The following FOXP2 variants were observed in gnomAD, a reference collection of about 807,000 sequenced individuals.
The protein encoded by FOXP2 is forkhead box protein P2.
In FOXP2, 12 loss-of-function variants were observed where a neutral mutation model predicts 115.8. That is an observed-to-expected ratio of 0.10 (90% CI 0.07 to 0.17). FOXP2 has a LOEUF of 0.17. FOXP2 is among the 10% of genes least tolerant of loss of function. The probability of loss-of-function intolerance (pLI) is 1.00; values close to 1 mark genes in which losing one functional copy is unlikely to be tolerated. For missense variants in FOXP2, 629 were observed against 843.5 expected (o/e 0.75, Z 3.15); for synonymous variants, 328 against 297.7 (o/e 1.10, Z -1.05).
intron 1 of FOXP2, among the ~76,000 whole-genome samples, chr7:114,154,524 A>G (rs567647986): frequency 6.6e-6 from 1 of 152,090 alleles, no homozygotes; most frequent in Non-Finnish European, 1.5e-5. Context: ...TATTAGTTTT[A>G]TAGTTTTGAT....
intron 3 of FOXP2, among the ~76,000 whole-genome samples, chr7:114,606,958 T>A (rs907028019): frequency 6.6e-6 from 1 of 152,212 alleles, no homozygotes; most frequent in Non-Finnish European, 1.5e-5. Flanking sequence ...TTGAATGACT[T>A]GGCCACTTTA....
chr7:114,549,346 C>A (rs947368551), intron 3 of FOXP2, among the ~76,000 whole-genome samples: 13 of 152,090 alleles, frequency 8.5e-5, no homozygotes, highest in African/African-American at 3.1e-4. Flanking sequence ...TCTCTTTTTT[C>A]CCCCACTCTT....
intron 2 of FOXP2, among the ~76,000 whole-genome samples, chr7:114,515,331 C>A (rs1798279506): frequency 6.6e-6 from 1 of 151,394 alleles, no homozygotes; most frequent in African/African-American, 2.4e-5. Flanking sequence ...TACAGTCCCA[C>A]CAACAGTGTA....
intron 1 of FOXP2, among the ~76,000 whole-genome samples, chr7:114,223,403 GTT>G (rs972088792): frequency 1.3e-5 from 2 of 148,156 alleles, no homozygotes; most frequent in Non-Finnish European, 3.0e-5. Context: ...GGATATTCAT[GTT>G]TTTTTTGTCG....
At chr7:114,430,415 A>G (rs1049364216) in intron 2 of FOXP2, among the ~76,000 whole-genome samples, 4 of 151,764 alleles carry the variant, frequency 2.6e-5, no homozygotes, top group African/African-American at 7.2e-5. Context: ...ATTTATTCTC[A>G]TTGATTGATT....
At chr7:114,121,566 T>G (rs1420314966) in intron 1 of FOXP2, among the ~76,000 whole-genome samples, 2 of 152,074 alleles carry the variant, frequency 1.3e-5, no homozygotes, top group East Asian at 1.9e-4. Flanking sequence ...AACATGGTGA[T>G]TAGATTAGCA....
At chr7:114,160,782 C>CTG (rs34540150), upstream of FOXP2, among the ~76,000 whole-genome samples, 1,987 of 146,812 alleles carry the variant, frequency 0.014, 24 homozygotes, top group East Asian at 0.037. Context: ...AGTATATTTT[C>CTG]TGTGTGTGTG....
chr7:114,669,266 G>T (rs1807357336), intron 16 of FOXP2: 1 of 151,954 alleles, frequency 6.6e-6, no homozygotes, highest in East Asian at 1.9e-4. Flanking sequence ...GGGGATTTCA[G>T]CAAAAAGTAG....
chr7:114,685,756 C>CT (rs1377271181), intron 16 of FOXP2, among the ~76,000 whole-genome samples: 1 of 152,102 alleles, frequency 6.6e-6, no homozygotes, highest in African/African-American at 2.4e-5. Flanking sequence ...TTCTGATGGG[C>CT]TTTAAAGTAC....
At chr7:114,648,897 CTGTT>C (rs1427492089) in intron 8 of FOXP2, among the ~76,000 whole-genome samples, 1 of 152,078 alleles carries the variant, frequency 6.6e-6, no homozygotes, top group Non-Finnish European at 1.5e-5. Flanking sequence ...CTTCACCTCT[CTGTT>C]TGAACTGCAG....
At chr7:114,346,487 T>C (rs1432845749) in intron 2 of FOXP2, among the ~76,000 whole-genome samples, 2 of 151,858 alleles carry the variant, frequency 1.3e-5, no homozygotes, top group African/African-American at 2.4e-5. Context: ...GTCTGCTGTT[T>C]ATTGCAGTGT....
intron 9 of FOXP2, 112 bp from the exon 10 acceptor site, chr7:114,653,814 A>G: frequency 1.7e-6 from 2 of 1,188,500 alleles, no homozygotes; most frequent in Non-Finnish European, 2.5e-6. Context: ...GCAGACTTTT[A>G]CATGCAGGAA....
intron 1 of FOXP2, among the ~76,000 whole-genome samples, chr7:114,221,357 C>A (rs937827883): frequency 2.3e-4 from 35 of 152,188 alleles, no homozygotes; most frequent in Admixed American, 2.0e-4. Flanking sequence ...ACTGCCAAGA[C>A]ATATTTTGTA....
intron 3 of FOXP2, among the ~76,000 whole-genome samples, chr7:114,565,789 T>G (rs1800991970): frequency 6.6e-6 from 1 of 152,056 alleles, no homozygotes; most frequent in South Asian, 2.1e-4. Flanking sequence ...GAATAAAGAA[T>G]GAAAATTTTT....
At chr7:114,213,141 A>G (rs907571167) in intron 1 of FOXP2, among the ~76,000 whole-genome samples, 2 of 152,146 alleles carry the variant, frequency 1.3e-5, no homozygotes, top group African/African-American at 4.8e-5. Context: ...TGTTTTCTGG[A>G]TCTATACTAT....
chr7:114,691,371 C>A lies in FOXP2; in HGVS notation c.*1445C>A, dbSNP rs1163669157. On this transcript the variant is annotated 3_prime_UTR_variant, in exon 17 of 17. Coordinates refer to ENST00000350908, the MANE Select transcript of FOXP2 (RefSeq NM_014491.4). ...TCTAGCTGAGTTTTTACACTGAAAG[C>A]AAAGATTATAGCAATTGTAGTCCAT... 2.2e-6 allele frequency: 1 copy of A among 453,720 alleles called. No individual in the cohort carries two copies. Among genetic ancestry groups the A allele is most frequent in the Non-Finnish European group, 4.4e-6 (1 of 226,724 alleles). 28.1% of individuals were successfully genotyped at this position (453,720 alleles called of 1,614,324 possible).
chr7:114,321,875 T>A (rs181916141), intron 2 of FOXP2, among the ~76,000 whole-genome samples: 117 of 152,300 alleles, frequency 7.7e-4, no homozygotes, highest in Non-Finnish European at 1.2e-3. Flanking sequence ...AAGCTTAGAC[T>A]AAGAATTTGT....
At chr7:114,650,875 G>A (rs1417404308) in intron 8 of FOXP2, among the ~76,000 whole-genome samples, 1 of 152,038 alleles carries the variant, frequency 6.6e-6, no homozygotes, top group Non-Finnish European at 1.5e-5. Flanking sequence ...CAATAAGGAA[G>A]TATTAAAACA....
chr7:114,552,715 C>G (rs1465839043), intron 3 of FOXP2, among the ~76,000 whole-genome samples: 6 of 152,150 alleles, frequency 3.9e-5, no homozygotes, highest in Non-Finnish European at 8.8e-5. Context: ...TTATGTTCCA[C>G]ATACCCCTAT....
Sources: allele counts gnomAD v4.1 joint callset (sites outside exome capture counted in the v4.1 genomes callset), GRCh38; gene constraint gnomAD v4.1.1; transcripts MANE v1.5; gene names NCBI Gene and HGNC (gene_info 2026-07-23, HGNC 2026-07-21).